Variants in CRTAC1 observed in about 807,000 individuals in gnomAD.
CRTAC1 encodes cartilage acidic protein 1.
Under a neutral mutation model 67.8 loss-of-function variants are expected in CRTAC1, and 37 were observed. That is an observed-to-expected ratio of 0.55 (90% CI 0.42 to 0.72). CRTAC1 has a LOEUF of 0.72. CRTAC1 is among the 30% of genes least tolerant of loss of function. The pLI is 0.00. For missense variants in CRTAC1, 780 were observed against 931.6 expected, an observed-to-expected ratio of 0.84 and a Z score of 2.12; for synonymous variants, 348 against 371.0, an observed-to-expected ratio of 0.94 and a Z score of 0.71.
intron 14 of CRTAC1, chr10:97,869,842 A>G (rs1007450921): frequency 6.6e-6 from 1 of 152,222 alleles, no homozygotes; most frequent in Non-Finnish European, 1.5e-5. Flanking sequence ...GAAACTCCAC[A>G]TCCCTCTCCA....
intron 14 of CRTAC1, chr10:97,878,475 AAAAGGGTTGCTGC>A (rs2050171955): frequency 1.6e-6 from 1 of 609,052 alleles, no homozygotes; most frequent in Admixed American, 5.0e-5. Flanking sequence ...ATATGTTTTT[AAAAGGGTTGCTGC>A]ATTCTTAAGT....
At chr10:98,017,572 C>A (rs1292518829) in intron 1 of CRTAC1, among the ~76,000 whole-genome samples, 1 of 152,068 alleles carries the variant, frequency 6.6e-6, no homozygotes, top group East Asian at 1.9e-4. Context: ...CTCACTCTGT[C>A]AACTAGGCTG....
intron 2 of CRTAC1, among the ~76,000 whole-genome samples, chr10:97,947,514 T>C (rs764802149): frequency 4.6e-5 from 7 of 152,146 alleles, no homozygotes; most frequent in Non-Finnish European, 8.8e-5. Context: ...CTGGACAACA[T>C]AGAAGTGTGT....
intron 11 of CRTAC1, among the ~76,000 whole-genome samples, chr10:97,894,947 C>A (rs1035115082): frequency 3.3e-5 from 5 of 151,080 alleles, no homozygotes; most frequent in African/African-American, 1.2e-4. Context: ...TTTGAACAAG[C>A]CTACAGCCTT....
At chr10:98,013,506 A>G (rs1842945736) in intron 1 of CRTAC1, among the ~76,000 whole-genome samples, 1 of 152,216 alleles carries the variant, frequency 6.6e-6, no homozygotes, top group Non-Finnish European at 1.5e-5. Context: ...CCAGATAAAT[A>G]ACCTAAAGCA....
chr10:97,961,100 A>G (rs904663216), intron 2 of CRTAC1, among the ~76,000 whole-genome samples: 2 of 152,044 alleles, frequency 1.3e-5, no homozygotes, highest in Non-Finnish European at 2.9e-5. Flanking sequence ...TATTTTAGCA[A>G]CACTAGCCTG....
intron 1 of CRTAC1, among the ~76,000 whole-genome samples, chr10:98,024,287 G>A (rs1843180198): frequency 6.6e-6 from 1 of 152,230 alleles, no homozygotes; most frequent in African/African-American, 2.4e-5. Flanking sequence ...TATACTCTCT[G>A]CACTCTCAAT....
intron 4 of CRTAC1, among the ~76,000 whole-genome samples, chr10:97,922,812 T>C (rs547930042): frequency 1.3e-5 from 2 of 152,372 alleles, no homozygotes; most frequent in South Asian, 2.1e-4. Context: ...CCCTCCATTG[T>C]GCCTTCATTT....
At chr10:98,002,761 C>CTTTTGTT in intron 2 of CRTAC1, among the ~76,000 whole-genome samples, 1 of 37,296 alleles carries the variant, frequency 2.7e-5, no homozygotes, top group Non-Finnish European at 5.8e-5. Context: ...ACAAAACTCA[C>CTTTTGTT]TTTTTTTTTT....
At chr10:97,881,848 C>T (rs1434746823) in intron 13 of CRTAC1, among the ~76,000 whole-genome samples, 10 of 152,136 alleles carry the variant, frequency 6.6e-5, no homozygotes, top group Admixed American at 1.3e-4. Flanking sequence ...CTGTGACTGC[C>T]GAACTGCTCC....
At chr10:97,891,679 C>T (rs572501185) in intron 11 of CRTAC1, among the ~76,000 whole-genome samples, 46 of 152,338 alleles carry the variant, frequency 3.0e-4, no homozygotes, top group African/African-American at 1.0e-3. Context: ...GTCTTTCTGT[C>T]GCCCCCTGTT....
rs537372342 is a variant in CRTAC1, at chr10:97,989,527, GGTAA to G, written c.224+21607_224+21610del. Among the ~76,000 whole-genome samples the G allele has an allele frequency of 6.6e-5, 10 of 152,260 alleles. No individual in the cohort carries two copies. In the South Asian group the frequency reaches 2.1e-3, roughly 32 times the overall value. ...ATACTGTAGGTAATTGTCACACAATGGTAAGTATCTGTGTATCTAAATATAGAAA... is the reference window on the plus strand; with the variant it reads ...ATACTGTAGGTAATTGTCACACAATGGTATCTGTGTATCTAAATATAGAAA... On this transcript the variant is annotated intron_variant, in intron 2 of 14. Transcript: ENST00000370597.
At chr10:97,950,520 T>G (rs2051338210) in intron 2 of CRTAC1, among the ~76,000 whole-genome samples, 2 of 152,166 alleles carry the variant, frequency 1.3e-5, no homozygotes, top group African/African-American at 4.8e-5. Context: ...AGGAGACTGC[T>G]GTAAGCCAGC....
intron 3 of CRTAC1, among the ~76,000 whole-genome samples, chr10:97,931,800 A>G (rs149547092): frequency 1.3e-4 from 20 of 152,292 alleles, no homozygotes; most frequent in African/African-American, 4.6e-4. Flanking sequence ...AGGGCTATTC[A>G]GTGAAGCAGC....
rs146377021 is a variant in CRTAC1 at position 98,021,628 on chromosome 10, T to C, written c.24+8821A>G. On this transcript the variant is annotated intron_variant, in intron 1 of 14. Transcript: ENST00000370597. Reference sequence around the variant, plus strand: ...TATGTTAAGTGCTGAGCATAATGCCTGGCATAGAGAAAGTCCACACGTGGT... The same window carrying C: ...TATGTTAAGTGCTGAGCATAATGCCCGGCATAGAGAAAGTCCACACGTGGT... Among the ~76,000 whole-genome samples, 878 of 152,338 alleles carry C rather than the reference T, an allele frequency of 5.8e-3. 6 individuals carry two copies. Among genetic ancestry groups the C allele is most frequent in the Non-Finnish European group, 5.5e-3 (375 of 68,040 alleles).
intron 11 of CRTAC1, among the ~76,000 whole-genome samples, chr10:97,888,499 G>T (rs1219999949): frequency 1.3e-5 from 2 of 151,792 alleles, no homozygotes; most frequent in African/African-American, 4.8e-5. Context: ...GAGGAGACTG[G>T]GGAGGGGCTT....
Position 98,030,449 on chromosome 10 carries a change from G to T in CRTAC1, c.24C>A (p.Gly8=). The change falls in exon 1 of 15, where the codon GGC becomes GGA. Residue 8 remains glycine, a splice_region_variant and synonymous_variant. Coordinates refer to ENST00000370597, the MANE Select transcript of CRTAC1 (RefSeq NM_018058.7). This position sits in a 1 kb window ranked among gnomAD's most constrained non-coding sequence, Gnocchi z 4.2. ...GGGGGGCACCGGTGCAGATACTCAC[G>T]CCGGGGTCAGCGCTCGGAGCCATCC... MAPSADP[G]MSRMLPFLLL... is the part of the protein sequence containing the mutation. 8.0e-7 allele frequency: 1 copy of T among 1,250,568 alleles called. No individual in the cohort carries two copies. Among genetic ancestry groups the T allele is most frequent in the Non-Finnish European group, 1.0e-6 (1 of 989,510 alleles). 77.5% of individuals were successfully genotyped at this position (1,250,568 alleles called of 1,614,324 possible).
At chr10:97,947,865 C>A (rs768720800) in intron 2 of CRTAC1, among the ~76,000 whole-genome samples, 1 of 151,540 alleles carries the variant, frequency 6.6e-6, no homozygotes, top group South Asian at 2.1e-4. Context: ...TCAGTCTGGG[C>A]AAAATAGTGA....
chr10:97,901,411 C>A, intron 8 of CRTAC1, 92 bp downstream of exon 8: 3 of 1,531,000 alleles, frequency 2.0e-6, no homozygotes, highest in Non-Finnish European at 2.7e-6. Flanking sequence ...GCCCTGGGAA[C>A]CCTCCCCTTC....
Sources: allele counts gnomAD v4.1 joint callset (sites outside exome capture counted in the v4.1 genomes callset), GRCh38; gene constraint gnomAD v4.1.1; non-coding constraint Gnocchi (gnomAD v3.1); transcripts MANE v1.5; gene names NCBI Gene and HGNC (gene_info 2026-07-23, HGNC 2026-07-21).